Variants in MIPOL1 observed in about 807,000 individuals in gnomAD.
The protein encoded by MIPOL1 is mirror-image polydactyly gene 1 protein.
A neutral mutation model predicts 60.9 loss-of-function variants in MIPOL1; 57 were observed. The ratio of observed to expected loss-of-function variants is 0.94; its 90% CI spans 0.76 to 1.17. MIPOL1 has a LOEUF of 1.17. Ranked by LOEUF, MIPOL1 falls within the 50% of genes most tolerant of loss-of-function variation. The pLI, the probability that MIPOL1 is intolerant of heterozygous loss-of-function variation, is 0.00. For missense variants in MIPOL1, 551 were observed against 511.6 expected, an observed-to-expected ratio of 1.08 and a Z score of -0.74; for synonymous variants, 179 against 168.8, an observed-to-expected ratio of 1.06 and a Z score of -0.47.
intron 1 of MIPOL1, among the ~76,000 whole-genome samples, chr14:37,229,981 A>C (rs1970361483): frequency 6.6e-6 from 1 of 152,150 alleles, no homozygotes; most frequent in South Asian, 2.1e-4. Flanking sequence ...AGGAGGAATA[A>C]GTTCAAGAGA....
chr14:37,374,263 A>G (rs1369073607), intron 10 of MIPOL1, among the ~76,000 whole-genome samples: 4 of 151,878 alleles, frequency 2.6e-5, no homozygotes, highest in African/African-American at 9.7e-5. Flanking sequence ...TGTTTAAGTT[A>G]TTTGTAGATT....
intron 9 of MIPOL1, among the ~76,000 whole-genome samples, chr14:37,332,315 T>G (rs1424413258): frequency 6.6e-6 from 1 of 152,190 alleles, no homozygotes; most frequent in Admixed American, 6.5e-5. Flanking sequence ...ATTGAAATGA[T>G]TATATCAGTT....
intron 12 of MIPOL1, among the ~76,000 whole-genome samples, chr14:37,521,559 A>G (rs2153631189): frequency 6.6e-6 from 1 of 152,156 alleles, no homozygotes; most frequent in East Asian, 1.9e-4. Context: ...TTCAATGGCT[A>G]TTAGCGATGG....
At chr14:37,201,347 C>A (rs1310398050) in intron 1 of MIPOL1, among the ~76,000 whole-genome samples, 2 of 152,098 alleles carry the variant, frequency 1.3e-5, no homozygotes, top group African/African-American at 4.8e-5. Context: ...ACTTCTCCCA[C>A]TTTCTTCTCA....
rs963205878 is a variant in MIPOL1, at chr14:37,492,659, T to A, written c.1032-7249T>A. Among the ~76,000 whole-genome samples the A allele has an allele frequency of 3.3e-5, 5 of 151,644 alleles. No homozygotes were observed. The South Asian group carries it at 1.0e-3, about 32-fold the overall frequency. ...TTGAAATTAATATTCAGTAGGTAAGTTTTTTTTTCCAATGTCACTCAGAGT... is the reference window on the plus strand; with the variant it reads ...TTGAAATTAATATTCAGTAGGTAAGATTTTTTTTCCAATGTCACTCAGAGT... On this transcript the variant is annotated intron_variant, in intron 11 of 12. Coordinates refer to ENST00000684589, the MANE Select transcript of MIPOL1 (RefSeq NM_001388067.1).
chr14:37,231,335 G>GC lies in MIPOL1; in HGVS notation c.-198-15767dup, dbSNP rs1263300060. ...ACTCCTGGCCTCAAGCAGGACTCCTGCTTTGGCCTTCCAAAGTGCTGGGAT... is the reference window on the plus strand; with the variant it reads ...ACTCCTGGCCTCAAGCAGGACTCCTGCCTTTGGCCTTCCAAAGTGCTGGGAT... On this transcript the variant is annotated intron_variant, in intron 1 of 12. Transcript: ENST00000684589. 2.0e-5 allele frequency among the ~76,000 whole-genome samples: 3 copies of GC among 152,212 alleles called. No individual in the cohort carries two copies. The East Asian group carries it at 5.8e-4, about 29-fold the overall frequency.
intron 6 of MIPOL1, chr14:37,278,133 A>G (rs1440667249): frequency 4.6e-5 from 7 of 151,638 alleles, no homozygotes; most frequent in Admixed American, 2.0e-4. Context: ...AGTCTGGTCT[A>G]TGAAAGAAGT....
intron 11 of MIPOL1, among the ~76,000 whole-genome samples, chr14:37,447,839 A>G (rs1237984616): frequency 6.6e-6 from 1 of 151,984 alleles, no homozygotes; most frequent in Admixed American, 6.6e-5. Context: ...CGTGACTTTT[A>G]TTTTGCTCAA....
chr14:37,451,625 A>G (rs560573369), intron 11 of MIPOL1, among the ~76,000 whole-genome samples: 1 of 151,822 alleles, frequency 6.6e-6, no homozygotes, highest in East Asian at 1.9e-4. Flanking sequence ...TGTTTAATGA[A>G]GAAATACATT....
chr14:37,248,604 G>A (rs1362375541), intron 3 of MIPOL1, among the ~76,000 whole-genome samples: 1 of 151,824 alleles, frequency 6.6e-6, no homozygotes, highest in African/African-American at 2.4e-5. Flanking sequence ...TAGCGAAAGA[G>A]ACAAGATACA....
chr14:37,376,403 A>G (rs2092777888), intron 10 of MIPOL1, among the ~76,000 whole-genome samples: 2 of 152,104 alleles, frequency 1.3e-5, no homozygotes, highest in Admixed American at 1.3e-4. Flanking sequence ...ATATAGTTGG[A>G]ATTATAGAAT....
chr14:37,378,956 T>G, intron 10 of MIPOL1, among the ~76,000 whole-genome samples: 1 of 152,080 alleles, frequency 6.6e-6, no homozygotes. Context: ...AAGGTAGAAA[T>G]TTATATCATT....
At chr14:37,386,366 T>G (rs904143682) in intron 10 of MIPOL1, among the ~76,000 whole-genome samples, 1 of 152,068 alleles carries the variant, frequency 6.6e-6, no homozygotes, top group Non-Finnish European at 1.5e-5. Flanking sequence ...ATGCAAATTC[T>G]TGATTACAGT....
Position 37,208,926 on chromosome 14 carries a change from A to G in MIPOL1, c.-199+10822A>G, listed in dbSNP as rs562173122. Among the ~76,000 whole-genome samples, 111 of 152,316 alleles carry G rather than the reference A, an allele frequency of 7.3e-4. 1 individual carries two copies. Among genetic ancestry groups the G allele is most frequent in the Admixed American group, 2.2e-3 (33 of 15,298 alleles). On this transcript the variant is annotated intron_variant, in intron 1 of 12. Coordinates refer to ENST00000684589, the MANE Select transcript of MIPOL1 (RefSeq NM_001388067.1). The stretch of plus-strand genomic sequence containing the variant: ...ACTTCTGGCGTTATCATTATGCAAA[A>G]TCATAGTGCAGTGATCAAAACCAGA...
chr14:37,505,970 C>CAGCG, intron 12 of MIPOL1: 1 of 151,542 alleles, frequency 6.6e-6, no homozygotes, highest in Admixed American at 6.6e-5. Context: ...AACAGACAAA[C>CAGCG]AGCCAAATCA....
chr14:37,435,727 C>T (rs2094152832), intron 11 of MIPOL1, among the ~76,000 whole-genome samples: 1 of 152,040 alleles, frequency 6.6e-6, no homozygotes, highest in African/African-American at 2.4e-5. Context: ...GAGAAGGGGA[C>T]ATTTTAACTT....
chr14:37,297,556 C>G (rs1188237291), intron 7 of MIPOL1, among the ~76,000 whole-genome samples: 1 of 152,102 alleles, frequency 6.6e-6, no homozygotes, highest in African/African-American at 2.4e-5. Flanking sequence ...CTAGAAAACC[C>G]CATCGTCTCA....
chr14:37,348,492 A>G (rs948319047), intron 9 of MIPOL1, among the ~76,000 whole-genome samples: 2 of 152,170 alleles, frequency 1.3e-5, no homozygotes, highest in African/African-American at 4.8e-5. Context: ...GCATGCAATA[A>G]AATTAAACAC....
chr14:37,227,846 C>T (rs1969989389), intron 1 of MIPOL1: 1 of 152,112 alleles, frequency 6.6e-6, no homozygotes, highest in South Asian at 2.1e-4. Flanking sequence ...ATGGTAAGTC[C>T]TGAAATTCGC....
Sources: gnomAD v4.1 joint callset for allele counts (sites outside exome capture counted in the v4.1 genomes callset) on GRCh38, gnomAD v4.1.1 for gene constraint, MANE v1.5 for transcripts, NCBI Gene and HGNC (gene_info 2026-07-23, HGNC 2026-07-21) for gene names.